The following TPPP variants were observed in gnomAD, a reference collection of about 807,000 sequenced individuals.
TPPP encodes tubulin polymerization promoting protein, also known as tubulin polymerization-promoting protein.
A neutral mutation model predicts 15.5 loss-of-function variants in TPPP; 6 were observed. The observed-to-expected ratio is 0.39, with a 90% confidence interval of 0.21 to 0.77. The LOEUF (loss-of-function observed/expected upper bound fraction) is 0.77. TPPP is among the 30% of genes least tolerant of loss of function. TPPP has a pLI of 0.42. For missense variants in TPPP, 269 were observed against 307.2 expected, an observed-to-expected ratio of 0.88 and a Z score of 0.93; for synonymous variants, 146 against 133.9, an observed-to-expected ratio of 1.09 and a Z score of -0.63.
intron 1 of TPPP, among the ~76,000 whole-genome samples, chr5:692,142 C>G: frequency 9.6e-6 from 1 of 104,468 alleles, no homozygotes; most frequent in African/African-American, 3.8e-5. Flanking sequence ...CCCCAGACCC[C>G]ATCAAAACAG....
At chr5:697,412 G>A (rs1157326256), upstream of TPPP, among the ~76,000 whole-genome samples, 17 of 151,330 alleles carry the variant, frequency 1.1e-4, 1 homozygote, top group Non-Finnish European at 2.2e-4. Context: ...ACAGGACAGC[G>A]TGCTGGGAAG....
intron 2 of TPPP, among the ~76,000 whole-genome samples, chr5:674,971 T>C (rs1709549): frequency 0.37 from 52,029 of 141,936 alleles, 9,604 homozygotes; most frequent in East Asian, 0.56. Flanking sequence ...TGAGAGTCAG[T>C]CCACAAAGGA....
At chr5:684,073 G>A (rs376212541) in intron 1 of TPPP, among the ~76,000 whole-genome samples, 3 of 152,298 alleles carry the variant, frequency 2.0e-5, no homozygotes, top group Admixed American at 6.5e-5. Flanking sequence ...CCCCACTGCC[G>A]GAACAGGACC....
chr5:669,133 G>C (rs1191309981), intron 2 of TPPP, among the ~76,000 whole-genome samples: 1 of 152,226 alleles, frequency 6.6e-6, no homozygotes, highest in African/African-American at 2.4e-5. Flanking sequence ...GGGAGCGGAG[G>C]CCTCGCTGTG....
intron 2 of TPPP, among the ~76,000 whole-genome samples, chr5:673,287 G>A (rs1438553046): frequency 1.3e-5 from 2 of 152,156 alleles, no homozygotes; most frequent in African/African-American, 2.4e-5. Flanking sequence ...TGAGTTTTTA[G>A]GCCCCTTGCT....
At chr5:693,413 T>TCCCGGG (rs1740949596), upstream of TPPP, 1 of 120,480 alleles carries the variant, frequency 8.3e-6, no homozygotes, top group African/African-American at 3.2e-5. Flanking sequence ...CCCAGCCCGG[T>TCCCGGG]CCCGGGCCCG....
At position 677,743 on chromosome 5, in the gene TPPP, C is replaced by A. The variant is rs780424812; in HGVS notation, c.311+7G>T. ...GGTCCCTCGGCCCGTGAGCCCAGCG[C>A]ACTCACTTGATCTTGCTGAAGACGA... On this transcript the variant is annotated splice_region_variant and intron_variant, in intron 2 of 3. Coordinates refer to ENST00000360578, the MANE Select transcript of TPPP (RefSeq NM_007030.3). The A allele has an allele frequency of 1.5e-5, 23 of 1,548,010 alleles. No homozygotes were observed. The highest frequency in any genetic ancestry group is 1.7e-5 in the Non-Finnish European group (20 of 1,145,382).
At chr5:671,010 C>T (rs548866574) in intron 2 of TPPP, among the ~76,000 whole-genome samples, 5 of 151,996 alleles carry the variant, frequency 3.3e-5, no homozygotes, top group East Asian at 2.0e-4. Context: ...GGCCCCAGGG[C>T]GGGCTGAGGG....
chr5:691,688 C>T (rs1361776540), intron 1 of TPPP, among the ~76,000 whole-genome samples: 2 of 22,732 alleles, frequency 8.8e-5, no homozygotes, highest in African/African-American at 6.3e-4. Context: ...ATCAAAACAG[C>T]AGCCCCCCAA....
At chr5:699,340 CA>C in the TPPP span, among the ~76,000 whole-genome samples, 2 of 151,908 alleles carry the variant, frequency 1.3e-5, no homozygotes, top group East Asian at 3.8e-4. Context: ...GACACAAAGT[CA>C]ATAAAAATCA....
chr5:691,839 G>GCC (rs1403442324), intron 1 of TPPP, among the ~76,000 whole-genome samples: 9 of 63,040 alleles, frequency 1.4e-4, no homozygotes, highest in Non-Finnish European at 2.6e-4. Flanking sequence ...CAAAACAGCA[G>GCC]CCCTCAACCC....
intron 1 of TPPP, among the ~76,000 whole-genome samples, chr5:685,273 AC>A (rs1258440724): frequency 6.6e-6 from 1 of 152,212 alleles, no homozygotes; most frequent in African/African-American, 2.4e-5. Context: ...CTCTCCAGGG[AC>A]CCTGAAGGCC....
At chr5:672,138 G>A (rs1351308407) in intron 2 of TPPP, among the ~76,000 whole-genome samples, 2 of 152,298 alleles carry the variant, frequency 1.3e-5, no homozygotes, top group East Asian at 1.9e-4. Flanking sequence ...GGAACAGTCC[G>A]AAGACTTTAG....
chr5:696,400 G>A (rs141987339), upstream of TPPP, among the ~76,000 whole-genome samples: 15,518 of 122,712 alleles, frequency 0.13, 255 homozygotes, highest in African/African-American at 0.32. Context: ...TCCTGCAGCT[G>A]GACCTGTCAG....
At chr5:677,627 G>A (rs886372754) in intron 2 of TPPP, 123 bp downstream of exon 2, 14 of 881,698 alleles carry the variant, frequency 1.6e-5, no homozygotes, top group East Asian at 3.0e-5. Context: ...TGAGAAGGGC[G>A]GGGTCTTGAA....
intron 2 of TPPP, among the ~76,000 whole-genome samples, chr5:669,122 G>C (rs1454282223): frequency 6.6e-6 from 1 of 152,242 alleles, no homozygotes; most frequent in African/African-American, 2.4e-5. Flanking sequence ...GTCCCAGGGA[G>C]GGGAGCGGAG....
chr5:681,074 G>A (rs555300433), intron 1 of TPPP, among the ~76,000 whole-genome samples: 2 of 152,308 alleles, frequency 1.3e-5, no homozygotes, highest in East Asian at 1.9e-4. Context: ...GACGGACAAC[G>A]AGCCTGGGTG....
At chr5:684,438 C>T (rs1363194544) in intron 1 of TPPP, among the ~76,000 whole-genome samples, 3 of 152,100 alleles carry the variant, frequency 2.0e-5, no homozygotes, top group Non-Finnish European at 4.4e-5. Context: ...GGACAGCTCT[C>T]GGCGCTGGAG....
intron 2 of TPPP, among the ~76,000 whole-genome samples, chr5:675,052 T>C (rs1184435062): frequency 3.0e-4 from 4 of 13,436 alleles, no homozygotes; most frequent in Admixed American, 1.2e-3. Context: ...ACAGTATGGC[T>C]GGGGGTGCAG....
Sources: gnomAD v4.1 joint callset for allele counts (sites outside exome capture counted in the v4.1 genomes callset) on GRCh38, gnomAD v4.1.1 for gene constraint, MANE v1.5 for transcripts, NCBI Gene and HGNC (gene_info 2026-07-23, HGNC 2026-07-21) for gene names.